Variants in PLXND1 observed in about 807,000 individuals in gnomAD.
PLXND1 encodes plexin-D1.
In PLXND1, 54 loss-of-function variants were observed where a neutral mutation model predicts 197.7. The observed-to-expected ratio is 0.27, with a 90% CI of 0.22 to 0.34. The LOEUF (loss-of-function observed/expected upper bound fraction) is 0.34, where lower values mean the gene tolerates loss of function less well. PLXND1 is among the 10% of genes least tolerant of loss of function. The probability of loss-of-function intolerance (pLI) is 1.00; values close to 1 mark genes in which losing one functional copy is unlikely to be tolerated. For synonymous variants in PLXND1, 1,180 were observed against 1,161.2 expected (o/e 1.02, Z -0.33); for missense variants, 2,127 against 2,699.2 (o/e 0.79, Z 4.70).
rs1422322034 is a variant in PLXND1 at position 129,577,549 on chromosome 3, C to T, written c.2346+780G>A. ...GGCTTCCCGACACATCCCAGATGCC[C>T]GGCACGTGGCCACCACGTGTGACAG... On this transcript the variant is annotated intron_variant, in intron 9 of 35. Coordinates refer to ENST00000324093, the MANE Select transcript of PLXND1 (RefSeq NM_015103.3). The surrounding 1 kb of genome is among the most constrained non-coding windows in gnomAD (Gnocchi z 5.0). Among the ~76,000 whole-genome samples, 4 of 152,074 alleles carry T rather than the reference C, an allele frequency of 2.6e-5. No homozygotes were observed. The highest frequency in any genetic ancestry group is 4.8e-5 in the African/African-American group (2 of 41,452).
At chr3:129,583,102 T>G (rs79187531) in intron 8 of PLXND1, among the ~76,000 whole-genome samples, 7,430 of 152,226 alleles carry the variant, frequency 0.049, 264 homozygotes, top group East Asian at 0.12. Context: ...GGGACTTGGG[T>G]TAAGGCCCAA....
At chr3:129,587,832 CAT>C (rs1348310344) in intron 2 of PLXND1, among the ~76,000 whole-genome samples, 3 of 152,270 alleles carry the variant, frequency 2.0e-5, no homozygotes, top group Non-Finnish European at 2.9e-5. Context: ...CCAATGCACA[CAT>C]GAGGCCCAGA....
chr3:129,594,634 G>A (rs1005380468), intron 1 of PLXND1, among the ~76,000 whole-genome samples: 2 of 152,168 alleles, frequency 1.3e-5, no homozygotes, highest in African/African-American at 2.4e-5. Flanking sequence ...ACTGCAAAGC[G>A]CTTAATGCAA....
In PLXND1 at chr3:129,577,408, C is replaced by A. The variant is rs986008470; in HGVS notation, c.2346+921G>T. 6.6e-6 allele frequency among the ~76,000 whole-genome samples: 1 copy of A among 152,080 alleles called. No individual in the cohort carries two copies. Among genetic ancestry groups the A allele is most frequent in the Non-Finnish European group, 1.5e-5 (1 of 67,918 alleles). ...CCAGGGGCAGAGCCATCCTGCCCAC[C>A]CACCCAGCCCCCTGGCTGATCCTGG... is the stretch of plus-strand genomic sequence containing the variant. On this transcript the variant is annotated intron_variant, in intron 9 of 35. Coordinates refer to ENST00000324093, the MANE Select transcript of PLXND1 (RefSeq NM_015103.3). The surrounding 1 kb of genome is among the most constrained non-coding windows in gnomAD (Gnocchi z 5.0).
intron 1 of PLXND1, among the ~76,000 whole-genome samples, chr3:129,590,473 G>C (rs1007513443): frequency 2.0e-5 from 3 of 152,128 alleles, no homozygotes; most frequent in Admixed American, 1.3e-4. Context: ...GTGGTGCAGA[G>C]GAGTGAAAAG....
chr3:129,584,514 C>G lies in PLXND1; in HGVS notation c.1900G>C (p.Glu634Gln). The G allele has an allele frequency of 2.5e-6, 4 of 1,613,704 alleles. No homozygotes were observed. The highest frequency in any genetic ancestry group is 1.7e-6 in the Non-Finnish European group (2 of 1,179,780). The change falls in exon 6 of 36, where the codon GAG (glutamate) becomes CAG (glutamine). Residue 634 changes from glutamate (E) to glutamine (Q), a missense_variant. Physicochemically the swap from Glu to Gln is conservative, Grantham distance 29. Around this residue, in one of 6 missense-constraint regions of PLXND1, gnomAD observed 1,095 missense variants for 1,259.8 expected, o/e 0.87. Coordinates refer to ENST00000324093, the MANE Select transcript of PLXND1 (RefSeq NM_015103.3). ...SGSLPSLSGM[E>Q]MACDYGNNIR... Reference sequence around the variant, plus strand: ...TTGTTCCCATAGTCACAGGCCATCTCCATGCCACTGAGGCTGGGCAGGCTG... The same window carrying G: ...TTGTTCCCATAGTCACAGGCCATCTGCATGCCACTGAGGCTGGGCAGGCTG...
intron 1 of PLXND1, among the ~76,000 whole-genome samples, chr3:129,600,311 T>C (rs2085688574): frequency 6.6e-6 from 1 of 152,202 alleles, no homozygotes; most frequent in African/African-American, 2.4e-5. Context: ...GCCAGTTTTT[T>C]CTGGTGTCTT....
chr3:129,603,565 T>C (rs1442878241), intron 1 of PLXND1, among the ~76,000 whole-genome samples: 1 of 152,012 alleles, frequency 6.6e-6, no homozygotes. Flanking sequence ...GTGGAGATGG[T>C]GGATGAACCA....
At position 129,605,646 on chromosome 3, in the gene PLXND1, T is replaced by TGGC. The variant is rs1404213878; in HGVS notation, c.991_993dup (p.Ala331dup). 1 of 1,536,530 alleles carries TGGC rather than the reference T, an allele frequency of 6.5e-7. No individual in the cohort carries two copies. The highest frequency in any genetic ancestry group is 8.7e-7 in the Non-Finnish European group (1 of 1,145,306). ...TGGATGTAGGACTCGGTGAGCTTCT[T>TGGC]GGCGTCGCCGCCGGCGCCGTGGGGC... On this transcript the variant is annotated inframe_insertion, in exon 1 of 36. Transcript: ENST00000324093.
rs759699766 is a variant in PLXND1 at position 129,606,259 on chromosome 3, G to C, written c.381C>G (p.Ile127Met). 3.2e-6 allele frequency: 5 copies of C among 1,567,890 alleles called. No homozygotes were observed. The South Asian group carries it at 5.8e-5, about 18-fold the overall frequency. The change falls in exon 1 of 36, where the codon ATC becomes ATG. Residue 127 changes from isoleucine to methionine, a missense_variant. Ile to Met is a conservative substitution (Grantham distance 10). Transcript: ENST00000324093. ...PRRLTDNYNK[I>M]LQLDPGQGLV... ...GGCCCTGGCCGGGGTCCAGCTGCAG[G>C]ATCTTGTTGTAGTTGTCCGTGAGGC... is the stretch of plus-strand genomic sequence containing the variant.
At chr3:129,599,202 T>G (rs898733994) in intron 1 of PLXND1, among the ~76,000 whole-genome samples, 2 of 152,134 alleles carry the variant, frequency 1.3e-5, no homozygotes, top group African/African-American at 4.8e-5. Flanking sequence ...TTCCTTAATC[T>G]CCATGGAGAC....
At position 129,575,785 on chromosome 3, in the gene PLXND1, A is replaced by G. The variant is rs758151471; in HGVS notation, c.2417T>C (p.Val806Ala). The G allele has an allele frequency of 1.9e-6, 3 of 1,612,902 alleles. No individual in the cohort carries two copies. The African/African-American group carries it at 4.0e-5, about 22-fold the overall frequency. The change falls in exon 10 of 36, where the codon GTA (valine) becomes GCA (alanine). Residue 806 changes from valine to alanine, a missense_variant. Physicochemically the swap from Val to Ala is moderately conservative, Grantham distance 64 (BLOSUM62 0). Around this residue, in one of 6 missense-constraint regions of PLXND1, gnomAD observed 1,095 missense variants for 1,259.8 expected, o/e 0.87. Transcript: ENST00000324093. ...ACTCACCACCACCTGGTCACAGCGTACAACAGACTCATTCACCCACACAGC... is the reference window on the plus strand; with the variant it reads ...ACTCACCACCACCTGGTCACAGCGTGCAACAGACTCATTCACCCACACAGC... Reference protein sequence around the residue: ...FEAVWVNESVVRCDQVVLHTT... With the variant: ...FEAVWVNESVARCDQVVLHTT...
chr3:129,575,441 G>A (rs1177463528), intron 11 of PLXND1, 28 bp downstream of exon 11: 2 of 1,416,958 alleles, frequency 1.4e-6, no homozygotes, highest in Non-Finnish European at 9.8e-7. Context: ...AGGCCCCGAG[G>A]CCATGTGGGG....
chr3:129,579,937 G>A (rs565213316), intron 8 of PLXND1, among the ~76,000 whole-genome samples: 2 of 152,320 alleles, frequency 1.3e-5, no homozygotes, highest in South Asian at 2.1e-4. Flanking sequence ...AAGAACTGAT[G>A]ACGATAATGC....
intron 1 of PLXND1, among the ~76,000 whole-genome samples, chr3:129,594,258 T>TGG (rs1460853490): frequency 1.3e-5 from 2 of 152,192 alleles, no homozygotes; most frequent in Non-Finnish European, 2.9e-5. Context: ...GAAAGTCAGG[T>TGG]TTCCTTGCCA....
At chr3:129,575,273 CTA>C (rs10534479) in intron 11 of PLXND1, among the ~76,000 whole-genome samples, 194 bp downstream of exon 11, 75,359 of 152,056 alleles carry the variant, frequency 0.5, 23,114 homozygotes, top group Non-Finnish European at 0.68. Flanking sequence ...GCAGGGGAAA[CTA>C]TGCACGGAGA....
intron 27 of PLXND1, among the ~76,000 whole-genome samples, 198 bp from the exon 28 acceptor site, chr3:129,562,101 C>G (rs6439186): frequency 6.6e-6 from 1 of 151,892 alleles, no homozygotes; most frequent in South Asian, 2.1e-4. Context: ...TGTGAGGGTA[C>G]AAAGAGAAGG....
In PLXND1 at chr3:129,606,515, G is replaced by T; in HGVS notation, c.125C>A (p.Ala42Glu). The T allele has an allele frequency of 7.2e-7, 1 of 1,390,396 alleles. No individual in the cohort carries two copies. 86.1% of individuals were successfully genotyped at this position (1,390,396 alleles called of 1,614,324 possible). A position where few individuals can be genotyped will look rare whatever the true frequency, so the allele number is the denominator to read the frequency against. The change falls in exon 1 of 36, where the codon GCG (alanine) becomes GAG (glutamate). Residue 42 changes from alanine to glutamate, a missense_variant. Physicochemically the swap from Ala to Glu is moderately radical, Grantham distance 107. Around this residue, in one of 6 missense-constraint regions of PLXND1, gnomAD observed 245 missense variants for 267.1 expected, o/e 0.92. Transcript: ENST00000324093. Reference protein sequence around the residue: ...PLLLLLLLGAARAGALEIQRR... With the variant: ...PLLLLLLLGAERAGALEIQRR... The stretch of plus-strand genomic sequence containing the variant: ...CTGGATCTCCAGGGCGCCGGCCCGC[G>T]CCGCCCCCAGGAGCAGCAGCAACAG...
In PLXND1 at chr3:129,589,436, G is replaced by A; in HGVS notation, c.1403C>T (p.Ala468Val). Residue 468 changes from alanine to valine, a missense_variant, in exon 2 of 36, where the codon GCC (alanine) becomes GTC (valine). Ala to Val is a moderately conservative substitution (Grantham distance 64). Around this residue, in one of 6 missense-constraint regions of PLXND1, gnomAD observed 1,095 missense variants for 1,259.8 expected, o/e 0.87. Coordinates refer to ENST00000324093, the MANE Select transcript of PLXND1 (RefSeq NM_015103.3). ...QPLKATPVFR[A>V]PGLTSVAVAS... ...CACGGCCACGGAGGTGAGGCCCGGG[G>A]CGCGGAACACGGGCGTGGCCTTCAG... 6.2e-7 allele frequency: 1 copy of A among 1,611,858 alleles called. No homozygotes were observed. The highest frequency in any genetic ancestry group is 8.5e-7 in the Non-Finnish European group (1 of 1,179,516).
Sources: allele counts gnomAD v4.1 joint callset (sites outside exome capture counted in the v4.1 genomes callset), GRCh38; gene constraint gnomAD v4.1.1; regional missense constraint gnomAD v4.1.1; non-coding constraint Gnocchi (gnomAD v3.1); transcripts MANE v1.5; gene names NCBI Gene and HGNC (gene_info 2026-07-23, HGNC 2026-07-21).